The following CCDC88A variants were observed in gnomAD, a reference collection of about 807,000 sequenced individuals.
The protein encoded by CCDC88A is girdin.
Under a neutral mutation model 234.3 loss-of-function variants are expected in CCDC88A, and 54 were observed. The observed-to-expected ratio is 0.23, with a 90% CI of 0.19 to 0.29. The LOEUF is 0.29. CCDC88A is among the 10% of genes least tolerant of loss of function. The pLI is 1.00. For missense variants in CCDC88A, 1,832 were observed against 2,123.4 expected (o/e 0.86, Z 2.70); for synonymous variants, 753 against 737.8 (o/e 1.02, Z -0.33).
Position 55,334,602 on chromosome 2 carries a change from C to A in CCDC88A, c.2219G>T (p.Gly740Val). 1 of 1,613,548 alleles carries A rather than the reference C, an allele frequency of 6.2e-7. No individual in the cohort carries two copies. Among genetic ancestry groups the A allele is most frequent in the South Asian group, 1.1e-5 (1 of 91,066 alleles). Residue 740 changes from glycine to valine, a missense_variant, in exon 15 of 33, where the codon GGT (glycine) becomes GTT (valine). Physicochemically the swap from Gly to Val is moderately radical, Grantham distance 109. Coordinates refer to ENST00000436346, the MANE Select transcript of CCDC88A (RefSeq NM_001365480.1). The surrounding 1 kb of genome is among the most constrained non-coding windows in gnomAD (Gnocchi z 6.1). Reference sequence around the variant, plus strand: ...GAAAGATGCTTTCAGGAGCTCCAAACCCTTCTTAAGTTGCTCTTTTTCACT... The same window carrying A: ...GAAAGATGCTTTCAGGAGCTCCAAAACCTTCTTAAGTTGCTCTTTTTCACT... Reference protein sequence around the residue: ...LESEKEQLKKGLELLKASFKK... With the variant: ...LESEKEQLKKVLELLKASFKK...
chr2:55,375,175 G>A (rs563433594), intron 3 of CCDC88A, among the ~76,000 whole-genome samples: 60 of 152,108 alleles, frequency 3.9e-4, no homozygotes, highest in African/African-American at 1.3e-3. Flanking sequence ...CTCAAGATGA[G>A]CCTGGGCAAC....
chr2:55,359,386 T>C (rs1020827091), intron 7 of CCDC88A, among the ~76,000 whole-genome samples: 2 of 152,058 alleles, frequency 1.3e-5, no homozygotes, highest in Non-Finnish European at 2.9e-5. Flanking sequence ...AGAAACCTGG[T>C]ATTTTAAAAG....
At chr2:55,355,842 C>T in intron 7 of CCDC88A, 91 bp from the exon 8 acceptor site, 1 of 949,186 alleles carries the variant, frequency 1.1e-6, no homozygotes, top group Non-Finnish European at 1.6e-6. Flanking sequence ...AATTGTACTG[C>T]CATATCAAAA....
At position 55,332,448 on chromosome 2, in the gene CCDC88A, G is replaced by A. The variant is rs186869993; in HGVS notation, c.2855+118C>T. 633 of 1,400,034 alleles carry A rather than the reference G, an allele frequency of 4.5e-4. 10 individuals carry two copies. The East Asian group carries it at 8.4e-3, about 19-fold the overall frequency. 86.7% of individuals were successfully genotyped at this position (1,400,034 alleles called of 1,614,324 possible). ...CAGAACTTTCCTTAAGGGAAGGAAG[G>A]AACCAGAAATAGGGTGAAATATATA... On this transcript the variant is annotated intron_variant, in intron 16 of 32. Coordinates refer to ENST00000436346, the MANE Select transcript of CCDC88A (RefSeq NM_001365480.1). The surrounding 1 kb of genome is among the most constrained non-coding windows in gnomAD (Gnocchi z 4.5).
chr2:55,363,320 C>G (rs1440238716), intron 6 of CCDC88A, among the ~76,000 whole-genome samples: 8 of 151,874 alleles, frequency 5.3e-5, no homozygotes, highest in Non-Finnish European at 1.0e-4. Flanking sequence ...AAAAAATTTT[C>G]TTTTCCCTTT....
At chr2:55,357,308 A>ATTCC (rs35015971) in intron 7 of CCDC88A, among the ~76,000 whole-genome samples, 56,143 of 145,654 alleles carry the variant, frequency 0.39, 11,414 homozygotes, top group East Asian at 0.84. Flanking sequence ...CATCTCAAAA[A>ATTCC]TTCCTTCCTT....
chr2:55,306,380 C>A lies in CCDC88A; in HGVS notation c.4387+2429G>T, dbSNP rs149953606. Among the ~76,000 whole-genome samples the A allele has an allele frequency of 7.5e-3, 1,134 of 152,106 alleles. 7 individuals carry two copies. Among genetic ancestry groups the A allele is most frequent in the Non-Finnish European group, 9.6e-3 (651 of 67,996 alleles). On this transcript the variant is annotated intron_variant, in intron 25 of 32. Coordinates refer to ENST00000436346, the MANE Select transcript of CCDC88A (RefSeq NM_001365480.1). ...GTGGACAAAACCAGACAGCAAAAGACCCAGGGTAACAATAATTTTATGTGG... is the reference window on the plus strand; with the variant it reads ...GTGGACAAAACCAGACAGCAAAAGAACCAGGGTAACAATAATTTTATGTGG...
intron 5 of CCDC88A, among the ~76,000 whole-genome samples, chr2:55,367,532 T>TTTTTTTTTTTGTTTTTTG (rs1348247433): frequency 1.4e-5 from 2 of 141,458 alleles, no homozygotes; most frequent in African/African-American, 5.4e-5. Flanking sequence ...TTCCTTGTTT[T>TTTTTTTTTTTGTTTTTTG]TTTTTAAGAG....
At chr2:55,385,410 C>T (rs1038301322) in intron 3 of CCDC88A, among the ~76,000 whole-genome samples, 3 of 152,062 alleles carry the variant, frequency 2.0e-5, no homozygotes, top group Admixed American at 6.5e-5. Flanking sequence ...GAAAACAAGA[C>T]TCAGAATGCA....
At chr2:55,333,370 T>A (rs1424738980) in intron 15 of CCDC88A, among the ~76,000 whole-genome samples, 4 of 152,184 alleles carry the variant, frequency 2.6e-5, no homozygotes, top group Admixed American at 2.6e-4. Flanking sequence ...CAGGACATAC[T>A]GCCAATTTAC....
chr2:55,316,183 G>A, intron 21 of CCDC88A, 69 bp from the exon 22 acceptor site: 2 of 593,598 alleles, frequency 3.4e-6, no homozygotes, highest in Non-Finnish European at 5.3e-6. Context: ...TATACAATAT[G>A]AAATGATATA....
intron 22 of CCDC88A, chr2:55,314,270 A>G (rs1375289747): frequency 6.6e-6 from 1 of 152,312 alleles, no homozygotes; most frequent in Non-Finnish European, 1.5e-5. Context: ...ATTAGCATAG[A>G]TGCTCAGCAA....
At chr2:55,378,848 C>T (rs539988226) in intron 3 of CCDC88A, among the ~76,000 whole-genome samples, 67 of 151,450 alleles carry the variant, frequency 4.4e-4, no homozygotes, top group South Asian at 3.1e-3. Context: ...CAGGTTTCAG[C>T]GATCCTCCTG....
At chr2:55,373,772 T>A (rs975007995) in intron 4 of CCDC88A, among the ~76,000 whole-genome samples, 1 of 152,134 alleles carries the variant, frequency 6.6e-6, no homozygotes, top group Non-Finnish European at 1.5e-5. Flanking sequence ...AATTCACACA[T>A]CTAATTAATA....
At chr2:55,364,198 T>C (rs1671671786) in intron 5 of CCDC88A, 165 bp from the exon 6 acceptor site, 4 of 451,270 alleles carry the variant, frequency 8.9e-6, no homozygotes, top group South Asian at 7.8e-5. Context: ...AACAACAATT[T>C]AGAAATAATT....
Position 55,343,744 on chromosome 2 carries a change from T to C in CCDC88A, c.1237A>G (p.Met413Val), listed in dbSNP as rs530850222. The change falls in exon 12 of 33, where the codon ATG becomes GTG. Residue 413 changes from methionine (M) to valine (V), a missense_variant. This residue lies in a region of CCDC88A where 1,282 missense variants were observed against 1,543.6 expected (regional missense o/e 0.83). Transcript: ENST00000436346. ...KKIEELMEENMTLEMAQKQSM... is the reference protein window; with the variant it reads ...KKIEELMEENVTLEMAQKQSM... ...TGTTTCTGTGCCATTTCCAAAGTCA[T>C]ATTTTCTTCCATTAATTCTTCAATC... is the stretch of plus-strand genomic sequence containing the variant. 17 of 1,611,340 alleles carry C rather than the reference T, an allele frequency of 1.1e-5. No homozygotes were observed. The South Asian group carries it at 1.7e-4, about 16-fold the overall frequency.
intron 2 of CCDC88A, among the ~76,000 whole-genome samples, chr2:55,414,992 G>C (rs1049368744): frequency 4.0e-5 from 6 of 151,624 alleles, no homozygotes; most frequent in Non-Finnish European, 8.8e-5. Flanking sequence ...GCGTGAACCC[G>C]GGAGGTAGAG....
At chr2:55,373,913 T>C (rs1161322949) in intron 4 of CCDC88A, among the ~76,000 whole-genome samples, 1 of 152,198 alleles carries the variant, frequency 6.6e-6, no homozygotes, top group African/African-American at 2.4e-5. Flanking sequence ...ATAAGCCCAT[T>C]GTTGAAACTG....
At chr2:55,338,162 G>C (rs1668036369) in intron 13 of CCDC88A, among the ~76,000 whole-genome samples, 1 of 152,160 alleles carries the variant, frequency 6.6e-6, no homozygotes, top group South Asian at 2.1e-4. Flanking sequence ...AAAAGAAACT[G>C]TACTCTACAG....
Sources: gnomAD v4.1 joint callset for allele counts (sites outside exome capture counted in the v4.1 genomes callset) on GRCh38, gnomAD v4.1.1 for gene constraint, gnomAD v4.1.1 regional missense constraint, Gnocchi (gnomAD v3.1) non-coding constraint, MANE v1.5 for transcripts, NCBI Gene and HGNC (gene_info 2026-07-23, HGNC 2026-07-21) for gene names.